Variants in CCT5 observed in about 807,000 individuals in gnomAD.
CCT5 encodes T-complex protein 1 subunit epsilon.
A neutral mutation model predicts 55.0 loss-of-function variants in CCT5; 6 were observed. The ratio of observed to expected loss-of-function variants is 0.11; its 90% CI spans 0.06 to 0.22. CCT5 has a LOEUF of 0.22. Among genes scored for constraint, CCT5 ranks in the 10% least tolerant of loss-of-function variants. The probability of loss-of-function intolerance (pLI) is 1.00; values close to 1 mark genes in which losing one functional copy is unlikely to be tolerated. For missense variants in CCT5, 560 were observed against 694.6 expected (o/e 0.81, Z 2.18); for synonymous variants, 231 against 243.7 (o/e 0.95, Z 0.49).
intron 10 of CCT5, 61 bp from the exon 11 acceptor site, chr5:10,264,595 T>G: frequency 1.8e-6 from 2 of 1,092,730 alleles, no homozygotes; most frequent in Non-Finnish European, 2.8e-6. Context: ...TCAGAAAGAG[T>G]TGGTTATTGA....
chr5:10,258,165 T>C lies in CCT5; in HGVS notation c.585T>C (p.Thr195=). 1 of 1,614,218 alleles carries C rather than the reference T, an allele frequency of 6.2e-7. No homozygotes were observed. Among genetic ancestry groups the C allele is most frequent in the Non-Finnish European group, 8.5e-7 (1 of 1,180,038 alleles). Residue 195 remains threonine, a synonymous_variant, in exon 5 of 11, where the codon ACT becomes ACC. Coordinates refer to ENST00000280326, the MANE Select transcript of CCT5 (RefSeq NM_012073.5). The part of the protein sequence containing the change: ...MAEIAVNAVL[T]VADMERRDVD... The stretch of plus-strand genomic sequence containing the variant: ...AGATTGCTGTGAATGCCGTCCTCAC[T>C]GTAGCAGATATGGAGCGGAGAGACG...
upstream of CCT5, chr5:10,250,160 G>A: frequency 6.5e-7 from 1 of 1,537,170 alleles, no homozygotes. Context: ...AGAAGTTCCC[G>A]AAGGCCGCCG....
At chr5:10,250,507 C>T (rs1466040282) in intron 1 of CCT5, 62 bp downstream of exon 1, 6 of 1,597,824 alleles carry the variant, frequency 3.8e-6, no homozygotes, top group Non-Finnish European at 3.4e-6. Context: ...CGTGGCTCTG[C>T]GCCTGCGCGA....
chr5:10,257,150 A>ACTCT (rs1234703070), intron 4 of CCT5, among the ~76,000 whole-genome samples: 8 of 152,262 alleles, frequency 5.3e-5, no homozygotes, highest in Non-Finnish European at 8.8e-5. Flanking sequence ...AACTCAGAGT[A>ACTCT]GTCAGGGAAA....
intron 3 of CCT5, among the ~76,000 whole-genome samples, 177 bp from the exon 4 acceptor site, chr5:10,255,778 T>A (rs906594134): frequency 6.6e-6 from 1 of 152,244 alleles, no homozygotes; most frequent in South Asian, 2.1e-4. Context: ...TATTCGACCT[T>A]CGCTAGAACT....
At chr5:10,260,083 G>A (rs1044837226) in intron 6 of CCT5, among the ~76,000 whole-genome samples, 3 of 152,188 alleles carry the variant, frequency 2.0e-5, no homozygotes, top group Non-Finnish European at 2.9e-5. Context: ...GTTCTGGACT[G>A]AGTTCCAGAG....
rs746803733 is a variant in CCT5 at position 10,258,091 on chromosome 5, T to C, written c.531-20T>C. The C allele has an allele frequency of 6.2e-7, 1 of 1,613,488 alleles. No homozygotes were observed. The highest frequency in any genetic ancestry group is 1.3e-5 in the African/African-American group (1 of 75,026). On this transcript the variant is annotated intron_variant, in intron 4 of 10. Transcript: ENST00000280326. ...GTAATTGTGAAACCAATGAAGTTTG[T>C]TTTGTGGTGTTTTCCTCAGGGTCAA...
intron 3 of CCT5, 110 bp downstream of exon 3, chr5:10,254,948 CA>C (rs1255142434): frequency 3.3e-6 from 3 of 912,336 alleles, no homozygotes; most frequent in Admixed American, 3.7e-5. Context: ...AGGAGACAGA[CA>C]AATCCAAGTT....
chr5:10,254,992 C>T, intron 3 of CCT5, 154 bp downstream of exon 3: 1 of 664,680 alleles, frequency 1.5e-6, no homozygotes. Flanking sequence ...GTCGGACTTT[C>T]AAAACTGACA....
At chr5:10,260,310 C>T (rs1745896516) in intron 6 of CCT5, among the ~76,000 whole-genome samples, 1 of 152,184 alleles carries the variant, frequency 6.6e-6, no homozygotes, top group Non-Finnish European at 1.5e-5. Flanking sequence ...GCAGGGTTGC[C>T]TCTGTGAGTG....
At position 10,262,622 on chromosome 5, in the gene CCT5, A is replaced by C; in HGVS notation, c.1317+4A>C. The C allele has an allele frequency of 6.2e-7, 1 of 1,614,120 alleles. No individual in the cohort carries two copies. Among genetic ancestry groups the C allele is most frequent in the Non-Finnish European group, 8.5e-7 (1 of 1,180,014 alleles). On this transcript the variant is annotated splice_donor_region_variant and intron_variant, in intron 9 of 10. Coordinates refer to ENST00000280326, the MANE Select transcript of CCT5 (RefSeq NM_012073.5). ...AGTTAGCCAAGAGGCGGATAAGGTA[A>C]GGGATCTGTGCAGACTTAGTGAAAG... is the stretch of plus-strand genomic sequence containing the variant.
Position 10,264,718 on chromosome 5 carries a change from A to G in CCT5, c.1561A>G (p.Thr521Ala), listed in dbSNP as rs1746138776. 2 of 1,613,918 alleles carry G rather than the reference A, an allele frequency of 1.2e-6. No individual in the cohort carries two copies. Among genetic ancestry groups the G allele is most frequent in the East Asian group, 4.5e-5 (2 of 44,852 alleles). Reference protein sequence around the residue: ...IGKKQQISLATQMVRMILKID... With the variant: ...IGKKQQISLAAQMVRMILKID... ...CAAAAAGCAACAGATATCTCTTGCA[A>G]CACAAATGGTTAGAATGATTTTGAA... The change falls in exon 11 of 11, where the codon ACA becomes GCA. Residue 521 changes from threonine to alanine, a missense_variant. Around this residue, in one of 4 missense-constraint regions of CCT5, gnomAD observed 115 missense variants for 105.0 expected, o/e 1.10. Transcript: ENST00000280326.
intron 1 of CCT5, among the ~76,000 whole-genome samples, chr5:10,251,083 G>A (rs946278561): frequency 6.6e-5 from 10 of 152,344 alleles, no homozygotes; most frequent in African/African-American, 2.4e-4. Flanking sequence ...GTGAGAGGTA[G>A]CATTCTAGGG....
intron 3 of CCT5, among the ~76,000 whole-genome samples, 173 bp from the exon 4 acceptor site, chr5:10,255,782 T>G (rs1745644256): frequency 6.6e-6 from 1 of 152,248 alleles, no homozygotes; most frequent in Admixed American, 6.5e-5. Flanking sequence ...CGACCTTCGC[T>G]AGAACTAAAA....
chr5:10,252,829 C>T (rs1460578766), intron 1 of CCT5, among the ~76,000 whole-genome samples: 1 of 152,038 alleles, frequency 6.6e-6, no homozygotes, highest in African/African-American at 2.4e-5. Flanking sequence ...TCCACGTTGC[C>T]GAGCAGTAGG....
In CCT5 at chr5:10,250,332, TG is replaced by T. The variant is rs776947729; in HGVS notation, c.-8del. On this transcript the variant is annotated 5_prime_UTR_variant, in exon 1 of 11. Coordinates refer to ENST00000280326, the MANE Select transcript of CCT5 (RefSeq NM_012073.5). ...CCGGTTGGGGGGAAGTAATTCCGGT[TG>T]TTGCACCATGGCGTCCATGGGGACC... is the stretch of plus-strand genomic sequence containing the variant. The T allele has an allele frequency of 1.2e-6, 2 of 1,614,028 alleles. No homozygotes were observed. Among genetic ancestry groups the T allele is most frequent in the Non-Finnish European group, 1.7e-6 (2 of 1,180,032 alleles).
chr5:10,261,689 G>C lies in CCT5; in HGVS notation c.1123G>C (p.Glu375Gln). 6.2e-7 allele frequency: 1 copy of C among 1,614,052 alleles called. No individual in the cohort carries two copies. Reference sequence around the variant, plus strand: ...AACTAAGGATAAAATGCTGGTCATCGAGCAGTGTAAGAACTCCAGAGCTGT... The same window carrying C: ...AACTAAGGATAAAATGCTGGTCATCCAGCAGTGTAAGAACTCCAGAGCTGT... The part of the protein sequence containing the change: ...GTTKDKMLVI[E>Q]QCKNSRAVTI... Residue 375 changes from glutamate to glutamine, a missense_variant, in exon 8 of 11, where the codon GAG becomes CAG. Transcript: ENST00000280326.
chr5:10,257,714 C>T (rs1349932033), intron 4 of CCT5, among the ~76,000 whole-genome samples: 1 of 152,134 alleles, frequency 6.6e-6, no homozygotes. Context: ...AGTGACTCTT[C>T]CTGAGTGATT....
At chr5:10,260,753 C>T (rs1745916236) in intron 6 of CCT5, 39 bp from the exon 7 acceptor site, 1 of 1,610,120 alleles carries the variant, frequency 6.2e-7, no homozygotes, top group Non-Finnish European at 8.5e-7. Context: ...AATAAATACC[C>T]ACTTTCTCTT....
Sources: allele counts gnomAD v4.1 joint callset (sites outside exome capture counted in the v4.1 genomes callset), GRCh38; gene constraint gnomAD v4.1.1; regional missense constraint gnomAD v4.1.1; transcripts MANE v1.5; gene names NCBI Gene and HGNC (gene_info 2026-07-23, HGNC 2026-07-21).